The following FSD1L variants were observed in gnomAD, a reference collection of about 807,000 sequenced individuals.
The protein encoded by FSD1L is fibronectin type III and SPRY domain containing 1 like.
Under a neutral mutation model 71.6 loss-of-function variants are expected in FSD1L, and 45 were observed. The ratio of observed to expected loss-of-function variants is 0.63; its 90% CI spans 0.49 to 0.81. The LOEUF (loss-of-function observed/expected upper bound fraction) is 0.81, where lower values mean the gene tolerates loss of function less well. Ranked by LOEUF, FSD1L falls within the 30% of genes least tolerant of loss-of-function variation. The probability of loss-of-function intolerance (pLI) is 0.00; values close to 1 mark genes in which losing one functional copy is unlikely to be tolerated. For synonymous variants in FSD1L, 197 were observed against 207.2 expected (o/e 0.95, Z 0.42); for missense variants, 561 against 618.1 (o/e 0.91, Z 0.98).
rs1458237032 is a variant in FSD1L, at chr9:105,540,086, C to T, written c.1467+735C>T. Among the ~76,000 whole-genome samples, 3 of 152,098 alleles carry T rather than the reference C, an allele frequency of 2.0e-5. No homozygotes were observed. The East Asian group carries it at 5.8e-4, about 29-fold the overall frequency. The stretch of plus-strand genomic sequence containing the variant: ...CGGTTTTCTGAAATGGTTGGTTATG[C>T]TAATTTACAACTAGCAGTATGTAAG... On this transcript the variant is annotated intron_variant, in intron 13 of 13. Coordinates refer to ENST00000481272, the MANE Select transcript of FSD1L (RefSeq NM_001145313.3).
intron 2 of FSD1L, 143 bp downstream of exon 2, chr9:105,461,758 A>C: frequency 1.8e-6 from 1 of 566,516 alleles, no homozygotes; most frequent in Non-Finnish European, 3.1e-6. Context: ...TCATGCCTGT[A>C]ATCCCAACAC....
chr9:105,513,509 C>T (rs1019161584), intron 10 of FSD1L: 4 of 1,060,456 alleles, frequency 3.8e-6, no homozygotes, highest in East Asian at 5.4e-5. Flanking sequence ...CCAAAAATTC[C>T]TCAGCAGGCC....
intron 10 of FSD1L, chr9:105,524,728 A>C: frequency 1.2e-6 from 2 of 1,613,778 alleles, no homozygotes; most frequent in Non-Finnish European, 1.7e-6. Flanking sequence ...CCAGTAACAG[A>C]AGTGAAAACT....
intron 10 of FSD1L, chr9:105,524,767 C>G: frequency 6.2e-7 from 1 of 1,607,338 alleles, no homozygotes; most frequent in Non-Finnish European, 8.5e-7. Flanking sequence ...ATCTCTATAG[C>G]AGCCCGCACT....
At chr9:105,494,126 T>C (rs959921887) in intron 7 of FSD1L, among the ~76,000 whole-genome samples, 1 of 152,196 alleles carries the variant, frequency 6.6e-6, no homozygotes, top group African/African-American at 2.4e-5. Flanking sequence ...TCCCCGTCAC[T>C]TTCAGGTACA....
upstream of FSD1L, among the ~76,000 whole-genome samples, chr9:105,447,235 A>AATTCC (rs1333534249): frequency 6.0e-5 from 9 of 149,412 alleles, no homozygotes; most frequent in African/African-American, 2.2e-4. Flanking sequence ...GAGGCACGAG[A>AATTCC]ATTCCTGGAA....
chr9:105,498,327 T>C (rs1390385969), intron 7 of FSD1L, among the ~76,000 whole-genome samples: 1 of 152,006 alleles, frequency 6.6e-6, no homozygotes, highest in Non-Finnish European at 1.5e-5. Flanking sequence ...AGAAATGTGA[T>C]GTTTGGCAAT....
At chr9:105,497,148 G>A (rs1227639195) in intron 7 of FSD1L, among the ~76,000 whole-genome samples, 1 of 152,094 alleles carries the variant, frequency 6.6e-6, no homozygotes, top group African/African-American at 2.4e-5. Context: ...TTCTTTTTAA[G>A]CCTGTTGATG....
At chr9:105,524,414 G>T (rs1259158630) in intron 10 of FSD1L, 52 of 1,613,524 alleles carry the variant, frequency 3.2e-5, no homozygotes, top group Non-Finnish European at 4.1e-5. Context: ...ACAAGAGGTT[G>T]GTAGTATCTT....
intron 10 of FSD1L, among the ~76,000 whole-genome samples, chr9:105,533,053 G>A (rs1421926711): frequency 6.6e-6 from 1 of 152,054 alleles, no homozygotes; most frequent in South Asian, 2.1e-4. Flanking sequence ...CTACTCAGTT[G>A]ATCTTTTCTT....
chr9:105,460,124 A>G (rs1386156101), intron 1 of FSD1L, among the ~76,000 whole-genome samples: 1 of 152,208 alleles, frequency 6.6e-6, no homozygotes, highest in Admixed American at 6.5e-5. Context: ...CAGTATTTTT[A>G]CAGCCTTAGG....
chr9:105,535,614 GT>G (rs1176322529), intron 12 of FSD1L, among the ~76,000 whole-genome samples: 3 of 152,056 alleles, frequency 2.0e-5, no homozygotes, highest in Non-Finnish European at 4.4e-5. Context: ...TCCTTACCAT[GT>G]TTTATTACCT....
intron 7 of FSD1L, among the ~76,000 whole-genome samples, chr9:105,500,455 C>T (rs1833695444): frequency 6.6e-6 from 1 of 152,152 alleles, no homozygotes; most frequent in Non-Finnish European, 1.5e-5. Flanking sequence ...TTTCCCTTTG[C>T]CCACATGGAG....
In FSD1L at chr9:105,547,682, T is replaced by A. The variant is rs931112728; in HGVS notation, c.*1199T>A. The A allele has an allele frequency of 2.0e-5, 3 of 152,118 alleles. No homozygotes were observed. Among genetic ancestry groups the A allele is most frequent in the African/African-American group, 7.2e-5 (3 of 41,444 alleles). 9.4% of individuals were successfully genotyped at this position (152,118 alleles called of 1,614,324 possible). ...ATAGATATCTTTCCCAAACTTGGGGTAAAACCCATGGTTATGTGGAACATA... is the reference window on the plus strand; with the variant it reads ...ATAGATATCTTTCCCAAACTTGGGGAAAAACCCATGGTTATGTGGAACATA... On this transcript the variant is annotated 3_prime_UTR_variant, in exon 14 of 14. Transcript: ENST00000481272.
intron 4 of FSD1L, among the ~76,000 whole-genome samples, chr9:105,471,459 C>A (rs116909302): frequency 6.6e-6 from 1 of 151,952 alleles, no homozygotes; most frequent in African/African-American, 2.4e-5. Flanking sequence ...AATTGAATTG[C>A]GAGCATTCAT....
At chr9:105,469,816 A>AT (rs1831333396) in intron 4 of FSD1L, among the ~76,000 whole-genome samples, 1 of 150,162 alleles carries the variant, frequency 6.7e-6, no homozygotes, top group Admixed American at 6.7e-5. Flanking sequence ...TTTTGCTTTC[A>AT]TTGTCATATC....
upstream of FSD1L, among the ~76,000 whole-genome samples, chr9:105,447,538 C>T (rs1226598143): frequency 2.0e-5 from 3 of 151,986 alleles, no homozygotes; most frequent in African/African-American, 7.3e-5. Flanking sequence ...AAAAACTGTG[C>T]CAGGCCCCAA....
At chr9:105,499,637 G>A (rs1354040675) in intron 7 of FSD1L, among the ~76,000 whole-genome samples, 4 of 151,314 alleles carry the variant, frequency 2.6e-5, no homozygotes, top group Non-Finnish European at 1.5e-5. Flanking sequence ...TATATGCCTA[G>A]ATACAGTTTT....
chr9:105,509,220 A>T (rs981060743), intron 9 of FSD1L, among the ~76,000 whole-genome samples: 2 of 152,246 alleles, frequency 1.3e-5, no homozygotes, highest in Non-Finnish European at 2.9e-5. Flanking sequence ...ATTGATACCC[A>T]TATTGCAGAT....
Sources: gnomAD v4.1 joint callset for allele counts (sites outside exome capture counted in the v4.1 genomes callset) on GRCh38, gnomAD v4.1.1 for gene constraint, MANE v1.5 for transcripts, NCBI Gene and HGNC (gene_info 2026-07-23, HGNC 2026-07-21) for gene names.